The following OLAH variants were observed in gnomAD, a reference collection of about 807,000 sequenced individuals.
The protein encoded by OLAH is oleoyl-ACP hydrolase, also known as S-acyl fatty acid synthase thioesterase, medium chain.
A neutral mutation model predicts 27.8 loss-of-function variants in OLAH; 33 were observed. The observed-to-expected ratio is 1.19, with a 90% CI of 0.90 to 1.59. The LOEUF (loss-of-function observed/expected upper bound fraction) is 1.59. Ranked by LOEUF, OLAH falls within the 40% of genes most tolerant of loss-of-function variation. The pLI is 0.00. For missense variants in OLAH, 359 were observed against 310.8 expected (o/e 1.16, Z -1.17); for synonymous variants, 120 against 102.9 (o/e 1.17, Z -1.01).
intron 1 of OLAH, among the ~76,000 whole-genome samples, chr10:15,045,389 T>G (rs1438291195): frequency 6.6e-6 from 1 of 152,228 alleles, no homozygotes; most frequent in Non-Finnish European, 1.5e-5. Context: ...CAGCTCTGAC[T>G]GCCTATTTTT....
At chr10:15,058,939 T>TCTCATTCCCTTCCCTCC (rs764065794) in intron 3 of OLAH, among the ~76,000 whole-genome samples, 10,950 of 67,346 alleles carry the variant, frequency 0.16, 646 homozygotes, top group East Asian at 0.53. Flanking sequence ...TCCTTCCCTC[T>TCTCATTCCCTTCCCTCC]CTCCTTCCCT....
chr10:15,068,391 A>C (rs1844508101), intron 6 of OLAH, among the ~76,000 whole-genome samples: 1 of 152,020 alleles, frequency 6.6e-6, no homozygotes, highest in Non-Finnish European at 1.5e-5. Flanking sequence ...TCTGATAATC[A>C]TTATTACTAT....
intron 3 of OLAH, among the ~76,000 whole-genome samples, chr10:15,058,174 T>C (rs1180912258): frequency 1.3e-5 from 2 of 152,210 alleles, no homozygotes; most frequent in East Asian, 1.9e-4. Flanking sequence ...TTTAGCAATA[T>C]TTTGTCATTT....
At chr10:15,054,886 G>A (rs1201521598) in intron 3 of OLAH, among the ~76,000 whole-genome samples, 1 of 151,850 alleles carries the variant, frequency 6.6e-6, no homozygotes, top group Non-Finnish European at 1.5e-5. Flanking sequence ...GTGTTCTTTC[G>A]TTTCCACTAT....
intron 6 of OLAH, among the ~76,000 whole-genome samples, chr10:15,070,773 G>T (rs967097829): frequency 7.0e-6 from 1 of 142,524 alleles, no homozygotes; most frequent in African/African-American, 2.6e-5. Flanking sequence ...AAGCCACCAC[G>T]CCTGAACTTT....
At chr10:15,071,526 GCCTTA>G (rs149076553) in intron 6 of OLAH, 30,429 of 985,128 alleles carry the variant, frequency 0.031, 707 homozygotes, top group African/African-American at 0.11. Flanking sequence ...GGTTCCACCA[GCCTTA>G]CCTTGAGTTG....
At chr10:15,064,633 G>A in intron 5 of OLAH, 131 bp downstream of exon 5, 1 of 569,916 alleles carries the variant, frequency 1.8e-6, no homozygotes, top group Non-Finnish European at 3.0e-6. Flanking sequence ...CTAATAGGTT[G>A]GTGCAAAAGC....
upstream of OLAH, among the ~76,000 whole-genome samples, chr10:15,042,253 G>A (rs1383684043): frequency 1.3e-5 from 2 of 152,104 alleles, no homozygotes; most frequent in East Asian, 1.9e-4. Flanking sequence ...CCCGGTTCAA[G>A]CGATTCTCCT....
At chr10:15,061,384 T>C (rs1844358732) in intron 3 of OLAH, among the ~76,000 whole-genome samples, 1 of 152,178 alleles carries the variant, frequency 6.6e-6, no homozygotes, top group Admixed American at 6.6e-5. Context: ...TAGGTCACCC[T>C]TGAAACCTGA....
chr10:15,047,869 T>C (rs532350592), intron 2 of OLAH, among the ~76,000 whole-genome samples: 1 of 152,312 alleles, frequency 6.6e-6, no homozygotes, highest in African/African-American at 2.4e-5. Flanking sequence ...TTTATGAGTG[T>C]TCTGAATTAT....
At chr10:15,035,080 G>A (rs149926851) in intron 1 of OLAH, among the ~76,000 whole-genome samples, 82 of 152,162 alleles carry the variant, frequency 5.4e-4, no homozygotes, top group African/African-American at 1.9e-3. Flanking sequence ...GATTACAGGC[G>A]CTGAGAGTTA....
At chr10:15,043,711 G>T (rs114351896), upstream of OLAH, among the ~76,000 whole-genome samples, 1 of 151,746 alleles carries the variant, frequency 6.6e-6, no homozygotes, top group Non-Finnish European at 1.5e-5. Context: ...CAGGTGATCC[G>T]CCCACTTTAG....
chr10:15,038,039 C>A (rs58417305), intron 1 of OLAH, among the ~76,000 whole-genome samples: 20,273 of 152,200 alleles, frequency 0.13, 1,470 homozygotes, highest in South Asian at 0.26. Context: ...CCACTTCTTG[C>A]ATTAGTGTGA....
intron 3 of OLAH, among the ~76,000 whole-genome samples, chr10:15,050,516 C>T (rs539924434): frequency 8.6e-5 from 13 of 150,740 alleles, no homozygotes; most frequent in African/African-American, 3.2e-4. Flanking sequence ...GATCCACCCA[C>T]CTTGGCCTCC....
upstream of OLAH, among the ~76,000 whole-genome samples, chr10:15,041,648 T>G (rs892496467): frequency 2.6e-5 from 4 of 152,016 alleles, no homozygotes; most frequent in Non-Finnish European, 5.9e-5. Context: ...TGATCTCGGC[T>G]CACTGCAAAC....
intron 3 of OLAH, chr10:15,056,820 G>A: frequency 6.8e-7 from 1 of 1,478,378 alleles, no homozygotes; most frequent in Non-Finnish European, 9.0e-7. Context: ...TTATTTTTTT[G>A]TAGAGACAGC....
intron 6 of OLAH, among the ~76,000 whole-genome samples, chr10:15,067,219 T>C (rs1263567780): frequency 6.6e-6 from 1 of 152,152 alleles, no homozygotes; most frequent in Non-Finnish European, 1.5e-5. Flanking sequence ...TTCAATGCAA[T>C]CATGGATGCA....
chr10:15,067,674 A>G (rs1385180196), intron 6 of OLAH, among the ~76,000 whole-genome samples: 1 of 152,162 alleles, frequency 6.6e-6, no homozygotes. Context: ...TCCTCTCTCC[A>G]AATTTCAAAA....
chr10:15,034,117 T>G lies in OLAH; in HGVS notation c.-164+1767T>G, dbSNP rs868683420. On this transcript the variant is annotated intron_variant, in intron 1 of 3. Transcript: ENST00000413672. ...AGACTCCACCATTTTTTTTTTTTCT[T>G]TTTTTTTTTTTTTTGAGACGGAGTC... is the stretch of plus-strand genomic sequence containing the variant. Among the ~76,000 whole-genome samples, 990 of 140,408 alleles carry G rather than the reference T, an allele frequency of 7.1e-3. 18 individuals are homozygous for G. The highest frequency in any genetic ancestry group is 0.024 in the African/African-American group (928 of 38,360). 92.1% of individuals were successfully genotyped at this position (140,408 alleles called of 152,430 possible).
Sources: allele counts gnomAD v4.1 joint callset (sites outside exome capture counted in the v4.1 genomes callset), GRCh38; gene constraint gnomAD v4.1.1; transcripts MANE v1.5; gene names NCBI Gene and HGNC (gene_info 2026-07-23, HGNC 2026-07-21).